The following PDLIM7 variants were observed in gnomAD, a reference collection of about 807,000 sequenced individuals.
The protein encoded by PDLIM7 is PDZ and LIM domain 7.
A neutral mutation model predicts 53.9 loss-of-function variants in PDLIM7; 37 were observed. That is an observed-to-expected ratio of 0.69 (90% confidence interval 0.53 to 0.90). PDLIM7 has a LOEUF of 0.90. Among genes scored for constraint, PDLIM7 ranks in the 40% least tolerant of loss-of-function variants. PDLIM7 has a pLI of 0.00. For synonymous variants in PDLIM7, 300 were observed against 261.3 expected (o/e 1.15, Z -1.43); for missense variants, 617 against 638.5 (o/e 0.97, Z 0.36).
At chr5:177,490,986 C>A (rs1469336281) in intron 6 of PDLIM7, 24 bp downstream of exon 6, 1 of 1,613,786 alleles carries the variant, frequency 6.2e-7, no homozygotes, top group South Asian at 1.1e-5. Context: ...AGGAAAGTAC[C>A]CCCTGCCCTG....
chr5:177,489,305 T>G (rs1758618109), intron 9 of PDLIM7, 88 bp downstream of exon 9: 1 of 1,010,564 alleles, frequency 9.9e-7, no homozygotes. Context: ...TTCCCCCCAG[T>G]CGCAGCTGAG....
At chr5:177,488,016 C>T (rs1190512501) in intron 10 of PDLIM7, 52 bp downstream of exon 10, 25 of 1,522,782 alleles carry the variant, frequency 1.6e-5, no homozygotes, top group Non-Finnish European at 2.0e-5. Flanking sequence ...CAGCAGCCCT[C>T]GTTCCCACTG....
At position 177,488,678 on chromosome 5, in the gene PDLIM7, G is replaced by A. The variant is rs545330425; in HGVS notation, c.870-430C>T. 3.9e-5 allele frequency among the ~76,000 whole-genome samples: 6 copies of A among 152,316 alleles called. No homozygotes were observed. In the East Asian group the frequency reaches 1.2e-3, roughly 29 times the overall value. ...CAAGGCAGGCCTGAGATCACCTGAG[G>A]TGAGGAGTTTGAGACCAGCCTGGCC... On this transcript the variant is annotated intron_variant, in intron 9 of 12. Coordinates refer to ENST00000355841, the MANE Select transcript of PDLIM7 (RefSeq NM_005451.5).
At chr5:177,492,845 T>G (rs1234774269) in intron 2 of PDLIM7, 168 bp from the exon 3 acceptor site, 6 of 655,768 alleles carry the variant, frequency 9.1e-6, no homozygotes, top group Non-Finnish European at 1.6e-5. Flanking sequence ...ACCCAGGAGG[T>G]GGTGGCGCTC....
intron 7 of PDLIM7, chr5:177,490,617 G>A (rs912379440): frequency 8.8e-6 from 13 of 1,481,010 alleles, no homozygotes; most frequent in South Asian, 1.2e-5. Context: ...AGAGAGGGAG[G>A]AAGAAGTGGA....
Position 177,488,144 on chromosome 5 carries a change from C to A in PDLIM7, c.974G>T (p.Gly325Val), listed in dbSNP as rs943005338. The change falls in exon 10 of 13, where the codon GGC becomes GTC. Residue 325 changes from glycine (G) to valine (V), a missense_variant. Gly to Val is a moderately radical substitution (Grantham distance 109). Coordinates refer to ENST00000355841, the MANE Select transcript of PDLIM7 (RefSeq NM_005451.5). The stretch of plus-strand genomic sequence containing the variant: ...ATAGCATGGTGGGCAGAAGATGGCG[C>A]CCTTCTCCTCAAAGAAGCCACCCTC... Reference protein sequence around the residue: ...LEEGGFFEEKGAIFCPPCYDV... With the variant: ...LEEGGFFEEKVAIFCPPCYDV... The A allele has an allele frequency of 1.9e-6, 3 of 1,613,406 alleles. No individual in the cohort carries two copies. Among genetic ancestry groups the A allele is most frequent in the Non-Finnish European group, 2.5e-6 (3 of 1,179,956 alleles).
At chr5:177,493,837 G>A (rs959333744) in intron 2 of PDLIM7, among the ~76,000 whole-genome samples, 4 of 152,100 alleles carry the variant, frequency 2.6e-5, no homozygotes, top group Admixed American at 6.5e-5. Context: ...GATCTGGGGG[G>A]GTCCAGGCTG....
At chr5:177,495,460 C>T (rs1184798085) in intron 2 of PDLIM7, among the ~76,000 whole-genome samples, 1 of 152,186 alleles carries the variant, frequency 6.6e-6, no homozygotes, top group Non-Finnish European at 1.5e-5. Flanking sequence ...AGTCCCCACC[C>T]CCTCCTGACC....
rs183531675 is a variant in PDLIM7 at position 177,486,732 on chromosome 5, A to G, written c.1050+1336T>C. On this transcript the variant is annotated intron_variant, in intron 10 of 12. Transcript: ENST00000355841. ...CGGCTCACTGCAAGCTCTGCCTCCC[A>G]GGTTCACGCCATTCTCCTGCCTCAG... Among the ~76,000 whole-genome samples the G allele has an allele frequency of 6.6e-4, 101 of 152,072 alleles. 2 individuals carry two copies. The highest frequency in any genetic ancestry group is 1.2e-3 in the East Asian group (6 of 5,176).
chr5:177,492,833 C>A, intron 2 of PDLIM7, 156 bp from the exon 3 acceptor site: 1 of 741,882 alleles, frequency 1.3e-6, no homozygotes, highest in Admixed American at 2.8e-5. Context: ...GACACTAAAG[C>A]AACCCAGGAG....
chr5:177,494,407 C>A (rs955458311), intron 2 of PDLIM7, among the ~76,000 whole-genome samples: 1 of 152,200 alleles, frequency 6.6e-6, no homozygotes, highest in Admixed American at 6.5e-5. Flanking sequence ...GGAAGTGACA[C>A]CCCAGAGGGG....
chr5:177,488,514 G>C (rs563040966), intron 9 of PDLIM7, among the ~76,000 whole-genome samples: 24 of 152,232 alleles, frequency 1.6e-4, no homozygotes, highest in Non-Finnish European at 3.1e-4. Context: ...GACGACTGGA[G>C]CCTCATAAAA....
At chr5:177,487,203 G>C (rs1404610816) in intron 10 of PDLIM7, among the ~76,000 whole-genome samples, 1 of 152,142 alleles carries the variant, frequency 6.6e-6, no homozygotes, top group African/African-American at 2.4e-5. Flanking sequence ...AAAGTGCTGG[G>C]ATACAAGCAT....
intron 10 of PDLIM7, among the ~76,000 whole-genome samples, chr5:177,487,741 CAG>C (rs1428377613): frequency 6.6e-6 from 1 of 152,240 alleles, no homozygotes; most frequent in African/African-American, 2.4e-5. Flanking sequence ...ACGCATGAGA[CAG>C]AGCAGCTTCA....
At position 177,488,148 on chromosome 5, in the gene PDLIM7, TCTC is replaced by T. The variant is rs1445182767; in HGVS notation, c.967_969del (p.Glu323del). The T allele has an allele frequency of 1.9e-6, 3 of 1,613,344 alleles. No individual in the cohort carries two copies. Among genetic ancestry groups the T allele is most frequent in the Non-Finnish European group, 2.5e-6 (3 of 1,179,934 alleles). ...CATGGTGGGCAGAAGATGGCGCCCT[TCTC>T]CTCAAAGAAGCCACCCTCTTCCAGG... is the stretch of plus-strand genomic sequence containing the variant. On this transcript the variant is annotated inframe_deletion, in exon 10 of 13. Coordinates refer to ENST00000355841, the MANE Select transcript of PDLIM7 (RefSeq NM_005451.5).
Position 177,488,437 on chromosome 5 carries a change from G to A in PDLIM7, c.870-189C>T, listed in dbSNP as rs569673841. Among the ~76,000 whole-genome samples, 293 of 152,312 alleles carry A rather than the reference G, an allele frequency of 1.9e-3. 2 individuals are homozygous for A. Among genetic ancestry groups the A allele is most frequent in the Admixed American group, 4.0e-3 (62 of 15,310 alleles). On this transcript the variant is annotated intron_variant, in intron 9 of 12. Coordinates refer to ENST00000355841, the MANE Select transcript of PDLIM7 (RefSeq NM_005451.5). ...GCCGTGAAGCTTACAGAGCCAGTCC[G>A]CCACACTGAACTGCTGGTGACAGGA...
In PDLIM7 at chr5:177,489,775, C is replaced by T; in HGVS notation, c.630G>A (p.Trp210Ter). Reference sequence around the variant, plus strand: ...CCCGAGCCCACTCCCTCTCACCAGGCCAGGGCTCCTGGGGTGTAGATGAGG... The same window carrying T: ...CCCGAGCCCACTCCCTCTCACCAGGTCAGGGCTCCTGGGGTGTAGATGAGG... ...APASSTPQEP[W>*]PGPTAPSPTS... Residue 210 changes from tryptophan to a stop codon, truncating the protein, a stop_gained, in exon 8 of 13, where the codon TGG becomes TGA. Transcript: ENST00000355841. LOFTEE classifies it high-confidence loss of function. 2 of 1,560,008 alleles carry T rather than the reference C, an allele frequency of 1.3e-6. No individual in the cohort carries two copies. Among genetic ancestry groups the T allele is most frequent in the Non-Finnish European group, 1.7e-6 (2 of 1,153,306 alleles).
intron 10 of PDLIM7, among the ~76,000 whole-genome samples, chr5:177,486,369 G>A (rs1312796212): frequency 6.6e-6 from 1 of 152,188 alleles, no homozygotes; most frequent in East Asian, 1.9e-4. Context: ...CATCTACCTT[G>A]CAACCGTGCC....
chr5:177,494,183 A>G (rs932229191), intron 2 of PDLIM7, among the ~76,000 whole-genome samples: 1 of 152,200 alleles, frequency 6.6e-6, no homozygotes, highest in Non-Finnish European at 1.5e-5. Flanking sequence ...GCACTTGCAA[A>G]TGTACACAGA....
Sources: allele counts gnomAD v4.1 joint callset (sites outside exome capture counted in the v4.1 genomes callset), GRCh38; gene constraint gnomAD v4.1.1; transcripts MANE v1.5; gene names NCBI Gene and HGNC (gene_info 2026-07-23, HGNC 2026-07-21).